CYP4A22: variants seen among roughly 807,000 people sequenced by gnomAD.
CYP4A22 encodes the protein cytochrome P450 4A22.
CYP4A22 carries 46 observed loss-of-function variants against 56.2 expected under a neutral mutation model. The observed-to-expected ratio is 0.82, with a 90% CI of 0.65 to 1.05. The LOEUF (loss-of-function observed/expected upper bound fraction) is 1.05, where lower values mean the gene tolerates loss of function less well. Among genes scored for constraint, CYP4A22 ranks in the 50% least tolerant of loss-of-function variants. The pLI, the probability that CYP4A22 is intolerant of heterozygous loss-of-function variation, is 0.00. For synonymous variants in CYP4A22, 193 were observed against 251.1 expected (o/e 0.77, Z 2.19); for missense variants, 541 against 645.9 (o/e 0.84, Z 1.76).
intron 2 of CYP4A22, 100 bp from the exon 3 acceptor site, chr1:47,141,471 G>A (rs904206305): frequency 2.9e-6 from 4 of 1,395,786 alleles, no homozygotes; most frequent in African/African-American, 1.4e-5. Context: ...GGTGACATGG[G>A]TCAAACTGCC....
rs145151105 is a variant in CYP4A22, at chr1:47,146,222, G to A, written c.1364+69G>A. ...GTCTCTGGTCAACCCTCTGATCTTT[G>A]TGAGCCCGATGTTCATATGTGGCAT... On this transcript the variant is annotated intron_variant, in intron 11 of 11. Coordinates refer to ENST00000371891, the MANE Select transcript of CYP4A22 (RefSeq NM_001010969.4). The A allele has an allele frequency of 6.2e-6, 10 of 1,612,256 alleles. No individual in the cohort carries two copies. The African/African-American group carries it at 1.2e-4, about 19-fold the overall frequency.
chr1:47,147,489 C>A, intron 11 of CYP4A22: 1 of 926,360 alleles, frequency 1.1e-6, no homozygotes, highest in Non-Finnish European at 1.3e-6. Context: ...GAAATATATC[C>A]TGTGCTCCAG....
At chr1:47,139,156 C>G (rs1644979240) in intron 1 of CYP4A22, among the ~76,000 whole-genome samples, 2 of 152,216 alleles carry the variant, frequency 1.3e-5, no homozygotes, top group Admixed American at 1.3e-4. Context: ...TGCTTGCTAC[C>G]TGGAATTATT....
intron 4 of CYP4A22, 76 bp from the exon 5 acceptor site, chr1:47,143,193 G>A (rs1046522288): frequency 6.5e-7 from 1 of 1,547,880 alleles, no homozygotes; most frequent in African/African-American, 1.4e-5. Flanking sequence ...ATATCTGCAG[G>A]TACATGAAAA....
chr1:47,143,761 G>A lies in CYP4A22; in HGVS notation c.636-1G>A, dbSNP rs1490236350. 1.1e-5 allele frequency: 17 copies of A among 1,606,858 alleles called. No homozygotes were observed. Among genetic ancestry groups the A allele is most frequent in the Non-Finnish European group, 1.4e-5 (17 of 1,176,274 alleles). On this transcript the variant is annotated splice_acceptor_variant, in intron 5 of 11. Transcript: ENST00000371891. LOFTEE classifies it high-confidence loss of function. ...GGTCTCTTCTTCATACTCTCCCTCA[G>A]GAATTCTCAGTCCTACATCCAGGCC...
Position 47,143,232 on chromosome 1 carries a change from T to G in CYP4A22, c.511-37T>G. 3.8e-6 allele frequency: 6 copies of G among 1,569,500 alleles called. No homozygotes were observed. In the South Asian group the frequency reaches 5.9e-5, roughly 15 times the overall value. On this transcript the variant is annotated intron_variant, in intron 4 of 11. Transcript: ENST00000371891. The stretch of plus-strand genomic sequence containing the variant: ...CAGGCCTTATTAGCAAAGCACTTCT[T>G]GGAGATTAAGAAGGTCCATGCCCCC...
In CYP4A22 at chr1:47,144,819, A is replaced by T. The variant is rs371808588; in HGVS notation, c.1089-18A>T. ...GTCTGCCCAGGCCTTGCTGGTGTTC[A>T]GGATGGAATTGTTTCAGGAACCACC... On this transcript the variant is annotated intron_variant, in intron 8 of 11. Coordinates refer to ENST00000371891, the MANE Select transcript of CYP4A22 (RefSeq NM_001010969.4). 7 of 1,613,102 alleles carry T rather than the reference A, an allele frequency of 4.3e-6. No homozygotes were observed. Among genetic ancestry groups the T allele is most frequent in the South Asian group, 3.3e-5 (3 of 90,938 alleles).
chr1:47,140,941 C>A lies in CYP4A22; in HGVS notation c.337+20C>A, dbSNP rs1367020305. The A allele has an allele frequency of 6.2e-7, 1 of 1,612,738 alleles. No individual in the cohort carries two copies. The highest frequency in any genetic ancestry group is 1.3e-5 in the African/African-American group (1 of 74,958). ...GATCAGGTGAGATCGAACCCCCATC[C>A]CAACTGCAATTTCTCTTCCCTCTTG... On this transcript the variant is annotated intron_variant, in intron 2 of 11. Coordinates refer to ENST00000371891, the MANE Select transcript of CYP4A22 (RefSeq NM_001010969.4).
chr1:47,148,767 T>C lies in CYP4A22; in HGVS notation c.1530T>C (p.Pro510=), dbSNP rs139585783. 1 of 1,612,226 alleles carries C rather than the reference T, an allele frequency of 6.2e-7. No individual in the cohort carries two copies. ...NGIHLRLRRL[P]NPCEDKDQL is the part of the protein sequence containing the mutation. ...TCCACCTGCGTCTCAGGAGGCTCCC[T>C]AACCCTTGTGAAGACAAGGACCAGC... Residue 510 remains proline, a synonymous_variant, in exon 12 of 12, where the codon CCT becomes CCC. Coordinates refer to ENST00000371891, the MANE Select transcript of CYP4A22 (RefSeq NM_001010969.4).
At chr1:47,145,818 C>T (rs1645069388) in intron 9 of CYP4A22, 48 bp from the exon 10 acceptor site, 1 of 1,612,392 alleles carries the variant, frequency 6.2e-7, no homozygotes, top group African/African-American at 1.3e-5. Flanking sequence ...TACCAGGCCA[C>T]CCCATGCAAA....
At chr1:47,144,008 C>A in intron 6 of CYP4A22, 92 bp downstream of exon 6, 1 of 1,517,136 alleles carries the variant, frequency 6.6e-7, no homozygotes. Context: ...CCTAGTAATC[C>A]TGCAGAAGCC....
chr1:47,139,568 A>T (rs1644984481), intron 1 of CYP4A22, among the ~76,000 whole-genome samples: 1 of 152,216 alleles, frequency 6.6e-6, no homozygotes, highest in South Asian at 2.1e-4. Context: ...CACACAGATA[A>T]GGACCACAGC....
chr1:47,146,539 C>G, intron 11 of CYP4A22: 1 of 1,098,558 alleles, frequency 9.1e-7, no homozygotes, highest in Non-Finnish European at 1.1e-6. Context: ...CTGTAGATTT[C>G]TCTCTCCCCA....
At position 47,143,818 on chromosome 1, in the gene CYP4A22, G is replaced by T. The variant is rs765912026; in HGVS notation, c.692G>T (p.Cys231Phe). 6.2e-7 allele frequency: 1 copy of T among 1,613,978 alleles called. No homozygotes were observed. Among genetic ancestry groups the T allele is most frequent in the Admixed American group, 1.7e-5 (1 of 60,004 alleles). ...GACCTGAACAGCCTGGTTTTTTGCTGTATGAGGAATGCCTTTCATGAGAAT... is the reference window on the plus strand; with the variant it reads ...GACCTGAACAGCCTGGTTTTTTGCTTTATGAGGAATGCCTTTCATGAGAAT... ...ISDLNSLVFC[C>F]MRNAFHENDT... is the part of the protein sequence containing the mutation. Residue 231 changes from cysteine (C) to phenylalanine (F), a missense_variant, in exon 6 of 12, where the codon TGT (cysteine) becomes TTT (phenylalanine). By Grantham distance (205) the Cys-to-Phe change is radical (BLOSUM62 -2). Around this residue, in one of 3 missense-constraint regions of CYP4A22, gnomAD observed 335 missense variants for 361.2 expected, o/e 0.93. Transcript: ENST00000371891.
chr1:47,141,549 A>G lies in CYP4A22; in HGVS notation c.338-22A>G, dbSNP rs894281803. 9 of 1,612,702 alleles carry G rather than the reference A, an allele frequency of 5.6e-6. No individual in the cohort carries two copies. The African/African-American group carries it at 9.3e-5, about 17-fold the overall frequency. ...TTCTTAGTAACTCCTAGTTTCCTAT[A>G]AAGCCCTTTCTTACTTTTCAGACCC... On this transcript the variant is annotated intron_variant, in intron 2 of 11. Transcript: ENST00000371891.
Position 47,143,818 on chromosome 1 carries a change from G to A in CYP4A22, c.692G>A (p.Cys231Tyr), listed in dbSNP as rs765912026. 5.0e-6 allele frequency: 8 copies of A among 1,613,862 alleles called. No homozygotes were observed. The highest frequency in any genetic ancestry group is 1.6e-4 in the Middle Eastern group (1 of 6,082). Reference protein sequence around the residue: ...ISDLNSLVFCCMRNAFHENDT... With the variant: ...ISDLNSLVFCYMRNAFHENDT... ...GACCTGAACAGCCTGGTTTTTTGCT[G>A]TATGAGGAATGCCTTTCATGAGAAT... Residue 231 changes from cysteine (C) to tyrosine (Y), a missense_variant, in exon 6 of 12, where the codon TGT (cysteine) becomes TAT (tyrosine). By Grantham distance (194) the Cys-to-Tyr change is radical. This residue lies in a region of CYP4A22 where 335 missense variants were observed against 361.2 expected (regional missense o/e 0.93). Transcript: ENST00000371891.
chr1:47,139,157 T>C (rs1224044824), intron 1 of CYP4A22, among the ~76,000 whole-genome samples: 1 of 152,226 alleles, frequency 6.6e-6, no homozygotes, highest in Admixed American at 6.5e-5. Context: ...GCTTGCTACC[T>C]GGAATTATTT....
chr1:47,148,090 G>A (rs1293140098), intron 11 of CYP4A22, among the ~76,000 whole-genome samples: 4 of 152,166 alleles, frequency 2.6e-5, no homozygotes, highest in Non-Finnish European at 5.9e-5. Context: ...TCTCCTCCAG[G>A]AAGCCTCCCA....
chr1:47,141,850 C>T (rs1645013803), intron 3 of CYP4A22, among the ~76,000 whole-genome samples: 1 of 152,226 alleles, frequency 6.6e-6, no homozygotes. Flanking sequence ...CTTGGCTTCA[C>T]ATTTATTTTA....
Sources: gnomAD v4.1 joint callset for allele counts (sites outside exome capture counted in the v4.1 genomes callset) on GRCh38, gnomAD v4.1.1 for gene constraint, gnomAD v4.1.1 regional missense constraint, MANE v1.5 for transcripts, NCBI Gene and HGNC (gene_info 2026-07-23, HGNC 2026-07-21) for gene names.